COL28A1: variants seen among roughly 807,000 people sequenced by gnomAD.
COL28A1 encodes the protein collagen type XXVIII alpha 1 chain, also known as collagen alpha-1(XXVIII) chain.
In COL28A1, 161 loss-of-function variants were observed where a neutral mutation model predicts 150.2. The observed-to-expected ratio is 1.07, with a 90% CI of 0.94 to 1.22. The LOEUF (loss-of-function observed/expected upper bound fraction) is 1.22. COL28A1 is among the 50% of genes most tolerant of loss of function. The pLI, the probability that COL28A1 is intolerant of heterozygous loss-of-function variation, is 0.00. For missense variants in COL28A1, 1,617 were observed against 1,388.3 expected (o/e 1.16, Z -2.62); for synonymous variants, 552 against 469.7 (o/e 1.18, Z -2.26).
At chr7:7,396,238 AC>A (rs1445001608) in intron 27 of COL28A1, among the ~76,000 whole-genome samples, 2 of 152,162 alleles carry the variant, frequency 1.3e-5, no homozygotes, top group Non-Finnish European at 2.9e-5. Flanking sequence ...TAATTCTCCT[AC>A]TGTAACCAGC....
intron 8 of COL28A1, among the ~76,000 whole-genome samples, chr7:7,514,326 T>C (rs916660307): frequency 2.0e-5 from 3 of 152,198 alleles, no homozygotes; most frequent in African/African-American, 7.2e-5. Context: ...TTGGAATACA[T>C]TGTCACGCCC....
In COL28A1 at chr7:7,380,712, GAGTAAA is replaced by G; in HGVS notation, c.2287-23_2287-18del. On this transcript the variant is annotated intron_variant, in intron 29 of 34. Transcript: ENST00000399429. ...TTGTAAACCCTACTTAGTGGAAGAA[GAGTAAA>G]AGTCAATATAGGTTGGAACCAGTTA... 1 of 1,613,496 alleles carries G rather than the reference GAGTAAA, an allele frequency of 6.2e-7. No homozygotes were observed.
downstream of COL28A1, among the ~76,000 whole-genome samples, chr7:7,352,121 T>C (rs1294617): frequency 0.61 from 93,275 of 152,072 alleles, 32,596 homozygotes; most frequent in East Asian, 0.87. Flanking sequence ...CTAGTGTGGG[T>C]TGTTTTTTGG....
intron 25 of COL28A1, among the ~76,000 whole-genome samples, chr7:7,430,099 C>G (rs555198738): frequency 6.6e-6 from 1 of 152,210 alleles, no homozygotes; most frequent in South Asian, 2.1e-4. Context: ...TAATCTGACA[C>G]AGTGAAATAT....
At chr7:7,486,408 G>C (rs1779627183) in intron 13 of COL28A1, among the ~76,000 whole-genome samples, 1 of 152,066 alleles carries the variant, frequency 6.6e-6, no homozygotes, top group African/African-American at 2.4e-5. Flanking sequence ...TTTATTTATT[G>C]TTTTTATACC....
chr7:7,435,907 G>C (rs995570095), intron 23 of COL28A1, among the ~76,000 whole-genome samples: 5 of 152,186 alleles, frequency 3.3e-5, no homozygotes, highest in African/African-American at 1.2e-4. Context: ...ATAGTGTGAG[G>C]AGGAAAAATG....
chr7:7,485,215 A>G (rs957298324), intron 13 of COL28A1, among the ~76,000 whole-genome samples: 4 of 152,194 alleles, frequency 2.6e-5, no homozygotes, highest in Admixed American at 2.6e-4. Flanking sequence ...GTATATGTAC[A>G]CATATATAGA....
chr7:7,422,920 A>G (rs1428471939), intron 25 of COL28A1, among the ~76,000 whole-genome samples: 1 of 152,212 alleles, frequency 6.6e-6, no homozygotes, highest in African/African-American at 2.4e-5. Flanking sequence ...TGCGAGCTAA[A>G]AACAAGGGAG....
intron 23 of COL28A1, among the ~76,000 whole-genome samples, chr7:7,434,663 T>C (rs1785215321): frequency 6.6e-6 from 1 of 152,200 alleles, no homozygotes; most frequent in Non-Finnish European, 1.5e-5. Flanking sequence ...ATAGAGATCT[T>C]TGTCCTTGCT....
At chr7:7,398,561 A>C (rs181554549) in intron 27 of COL28A1, among the ~76,000 whole-genome samples, 4 of 152,344 alleles carry the variant, frequency 2.6e-5, no homozygotes, top group Non-Finnish European at 4.4e-5. Flanking sequence ...CCTAGAGTTA[A>C]ATACATGGAT....
At chr7:7,372,489 C>T (rs1471053160) in intron 32 of COL28A1, among the ~76,000 whole-genome samples, 1 of 152,072 alleles carries the variant, frequency 6.6e-6, no homozygotes, top group African/African-American at 2.4e-5. Context: ...GTTTATTCAT[C>T]ATTATCTGCT....
chr7:7,459,049 C>A (rs1004803671), intron 15 of COL28A1, among the ~76,000 whole-genome samples: 4 of 151,892 alleles, frequency 2.6e-5, no homozygotes, highest in Non-Finnish European at 5.9e-5. Flanking sequence ...TGTAAAAGAA[C>A]AGGAAAGGAA....
At chr7:7,355,094 T>G (rs1281609020), downstream of COL28A1, among the ~76,000 whole-genome samples, 1 of 152,070 alleles carries the variant, frequency 6.6e-6, no homozygotes, top group Non-Finnish European at 1.5e-5. Context: ...AAAATTGAGT[T>G]TGTTAAAATA....
intron 27 of COL28A1, among the ~76,000 whole-genome samples, chr7:7,415,655 T>C (rs1263745412): frequency 1.3e-5 from 2 of 152,208 alleles, no homozygotes; most frequent in Non-Finnish European, 2.9e-5. Flanking sequence ...TGCCTCAGCC[T>C]CCTGAGTAGC....
intron 8 of COL28A1, among the ~76,000 whole-genome samples, chr7:7,514,570 G>A (rs1781318436): frequency 1.3e-5 from 2 of 152,130 alleles, no homozygotes; most frequent in African/African-American, 4.8e-5. Context: ...CAGGGCCCAG[G>A]GCAAGAGTGT....
intron 9 of COL28A1, among the ~76,000 whole-genome samples, chr7:7,508,504 G>C (rs1780947906): frequency 6.6e-6 from 1 of 152,204 alleles, no homozygotes; most frequent in Non-Finnish European, 1.5e-5. Context: ...TAGAAATAAA[G>C]AGAGAGAAAC....
At chr7:7,349,083 T>C in the COL28A1 span, among the ~76,000 whole-genome samples, 4 of 152,060 alleles carry the variant, frequency 2.6e-5, no homozygotes, top group African/African-American at 9.7e-5. Context: ...TTTCAATCAA[T>C]TCAAAACATT....
At chr7:7,404,883 AT>A (rs1211834208) in intron 27 of COL28A1, among the ~76,000 whole-genome samples, 5 of 151,998 alleles carry the variant, frequency 3.3e-5, no homozygotes, top group Admixed American at 3.3e-4. Flanking sequence ...TTCATTTACT[AT>A]TTTATTTTAA....
At chr7:7,387,542 C>T (rs898308049) in intron 27 of COL28A1, among the ~76,000 whole-genome samples, 1 of 151,654 alleles carries the variant, frequency 6.6e-6, no homozygotes, top group African/African-American at 2.4e-5. Flanking sequence ...TAAATGGGTA[C>T]CAAATCTGAA....
Sources: allele counts gnomAD v4.1 joint callset (sites outside exome capture counted in the v4.1 genomes callset), GRCh38; gene constraint gnomAD v4.1.1; transcripts MANE v1.5; gene names NCBI Gene and HGNC (gene_info 2026-07-23, HGNC 2026-07-21).